QPRT: variants seen among roughly 807,000 people sequenced by gnomAD.
The protein encoded by QPRT is quinolinate phosphoribosyltransferase.
QPRT carries 17 observed loss-of-function variants against 19.8 expected under a neutral mutation model. The observed-to-expected ratio is 0.86, with a 90% CI of 0.59 to 1.29. The LOEUF (loss-of-function observed/expected upper bound fraction) is 1.29, where lower values mean the gene tolerates loss of function less well. Ranked by LOEUF, QPRT falls within the 50% of genes most tolerant of loss-of-function variation. The pLI, the probability that QPRT is intolerant of heterozygous loss-of-function variation, is 0.00. For missense variants in QPRT, 336 were observed against 405.1 expected, an observed-to-expected ratio of 0.83 and a Z score of 1.46; for synonymous variants, 178 against 191.0, an observed-to-expected ratio of 0.93 and a Z score of 0.56.
rs35141323 is a variant in QPRT, at chr16:29,695,793, C to CTT, written c.549+617_549+618dup. The CTT allele has an allele frequency of 8.6e-3, 392 of 45,722 alleles. 4 individuals carry two copies. Among genetic ancestry groups the CTT allele is most frequent in the Non-Finnish European group, 9.6e-3 (249 of 25,932 alleles). The allele number at this position is 45,722 out of a possible 1,614,324, so 2.8% of individuals were successfully genotyped here. ...GGAGTGAGCCACTGCACCCAGCTGC[C>CTT]TTTTTTTTTTTTTTTTTTTTTTTTG... On this transcript the variant is annotated intron_variant, in intron 2 of 3. Coordinates refer to ENST00000395384, the MANE Select transcript of QPRT (RefSeq NM_014298.6).
intron 1 of QPRT, among the ~76,000 whole-genome samples, chr16:29,680,108 C>T (rs1005703477): frequency 6.6e-6 from 1 of 152,084 alleles, no homozygotes; most frequent in East Asian, 1.9e-4. Flanking sequence ...CAGGCGCCCG[C>T]CGCCACGCCT....
intron 1 of QPRT, among the ~76,000 whole-genome samples, chr16:29,693,731 C>T (rs1039498544): frequency 3.3e-5 from 5 of 151,924 alleles, no homozygotes; most frequent in Admixed American, 6.6e-5. Context: ...GGATTGCAGG[C>T]GCCTGCCACC....
intron 2 of QPRT, 56 bp downstream of exon 2, chr16:29,695,255 C>T (rs1471633746): frequency 2.7e-5 from 39 of 1,468,714 alleles, no homozygotes; most frequent in Middle Eastern, 4.9e-4. Flanking sequence ...CCCTCCCCTC[C>T]CCTCCCCTCT....
chr16:29,687,906 C>T (rs1465448703), intron 1 of QPRT, among the ~76,000 whole-genome samples: 2 of 151,596 alleles, frequency 1.3e-5, no homozygotes, highest in Non-Finnish European at 2.9e-5. Flanking sequence ...CACATGAGCC[C>T]GGGAGTTCAA....
Position 29,694,833 on chromosome 16 carries a change from T to A in QPRT, c.183T>A (p.Asp61Glu), listed in dbSNP as rs367833818. 11 of 1,613,970 alleles carry A rather than the reference T, an allele frequency of 6.8e-6. No homozygotes were observed. The highest frequency in any genetic ancestry group is 1.3e-5 in the African/African-American group (1 of 74,924). Residue 61 changes from aspartate (D) to glutamate (E), a missense_variant, in exon 2 of 4, where the codon GAT becomes GAA. Coordinates refer to ENST00000395384, the MANE Select transcript of QPRT (RefSeq NM_014298.6). ...PGVLAGQPFF[D>E]AIFTQLNCQV... ...TACTGGCAGGGCAGCCTTTCTTCGA[T>A]GCCATATTTACCCAACTCAACTGCC... is the stretch of plus-strand genomic sequence containing the variant.
intron 1 of QPRT, among the ~76,000 whole-genome samples, chr16:29,680,246 G>A (rs950076974): frequency 2.6e-5 from 4 of 152,054 alleles, no homozygotes; most frequent in South Asian, 2.1e-4. Flanking sequence ...GTTAGCCACC[G>A]TGCCCGGCCA....
intron 1 of QPRT, among the ~76,000 whole-genome samples, chr16:29,692,799 C>T (rs535387390): frequency 6.6e-6 from 1 of 152,260 alleles, no homozygotes; most frequent in East Asian, 1.9e-4. Context: ...CGCAGTGGCT[C>T]ACGCCTGTAA....
Position 29,692,396 on chromosome 16 carries a change from CG to C in QPRT, c.14-2266del, listed in dbSNP as rs1034806063. On this transcript the variant is annotated intron_variant, in intron 1 of 3. Coordinates refer to ENST00000395384, the MANE Select transcript of QPRT (RefSeq NM_014298.6). Reference sequence around the variant, plus strand: ...GAGATTGAGACCATCCCAGCTAACACGGTGAAACCCCGTCTCTACTAAAAAC... The same window carrying C: ...GAGATTGAGACCATCCCAGCTAACACGTGAAACCCCGTCTCTACTAAAAAC... Among the ~76,000 whole-genome samples, 44 of 151,660 alleles carry C rather than the reference CG, an allele frequency of 2.9e-4. 1 individual carries two copies. The highest frequency in any genetic ancestry group is 2.4e-3 in the Admixed American group (37 of 15,218).
Position 29,694,759 on chromosome 16 carries a change from A to T in QPRT, c.109A>T (p.Ser37Cys). ...AGGGCTCAACTACGCAGCCTTGGTC[A>T]GCGGGGCAGGCCCCTCGCAGGCGGC... ...CPGLNYAALVSGAGPSQAALW... is the reference protein window; with the variant it reads ...CPGLNYAALVCGAGPSQAALW... The change falls in exon 2 of 4, where the codon AGC becomes TGC. Residue 37 changes from serine to cysteine, a missense_variant. By Grantham distance (112) the Ser-to-Cys change is moderately radical (BLOSUM62 -1). Transcript: ENST00000395384. 1 of 1,612,888 alleles carries T rather than the reference A, an allele frequency of 6.2e-7. No homozygotes were observed. Among genetic ancestry groups the T allele is most frequent in the Non-Finnish European group, 8.5e-7 (1 of 1,179,314 alleles).
intron 1 of QPRT, among the ~76,000 whole-genome samples, chr16:29,680,952 A>G (rs1966983021): frequency 6.6e-6 from 1 of 151,810 alleles, no homozygotes. Flanking sequence ...AAAAAAAAGG[A>G]AAATAAATAG....
intron 1 of QPRT, among the ~76,000 whole-genome samples, chr16:29,691,717 G>A (rs1244195922): frequency 6.6e-6 from 1 of 152,104 alleles, no homozygotes; most frequent in Non-Finnish European, 1.5e-5. Context: ...TTTGCTCCCA[G>A]GCCTTTTCCG....
At chr16:29,688,175 T>A (rs915231896) in intron 1 of QPRT, among the ~76,000 whole-genome samples, 1 of 151,140 alleles carries the variant, frequency 6.6e-6, no homozygotes, top group Non-Finnish European at 1.5e-5. Context: ...ACGAGCAGAG[T>A]TGGGGGCAGT....
chr16:29,681,577 A>C (rs528432962), intron 1 of QPRT, among the ~76,000 whole-genome samples: 1 of 141,916 alleles, frequency 7.0e-6, no homozygotes, highest in African/African-American at 2.6e-5. Flanking sequence ...GCTCGCTGCA[A>C]CCTCTGCCTC....
At chr16:29,689,881 A>G in intron 1 of QPRT, among the ~76,000 whole-genome samples, 1 of 146,986 alleles carries the variant, frequency 6.8e-6, no homozygotes, top group Non-Finnish European at 1.5e-5. Context: ...GAGCCGTTAA[A>G]AAGGACAGAA....
intron 1 of QPRT, among the ~76,000 whole-genome samples, chr16:29,683,598 A>G (rs150669792): frequency 0.03 from 4,509 of 151,760 alleles, 227 homozygotes; most frequent in African/African-American, 0.1. Flanking sequence ...GCCTCAAGCG[A>G]TCCTTCTGCC....
chr16:29,693,123 CCTTT>C (rs146501800), intron 1 of QPRT, among the ~76,000 whole-genome samples: 3,572 of 151,758 alleles, frequency 0.024, 154 homozygotes, highest in African/African-American at 0.082. Context: ...AAGCATTTAT[CCTTT>C]CTGTTACAAT....
At chr16:29,695,263 T>G in intron 2 of QPRT, 64 bp downstream of exon 2, 1 of 1,410,738 alleles carries the variant, frequency 7.1e-7, no homozygotes, top group Non-Finnish European at 9.2e-7. Flanking sequence ...TCCCCTCCCC[T>G]CTCCAGAGCC....
intron 2 of QPRT, 81 bp from the exon 3 acceptor site, chr16:29,696,915 C>T (rs1967553394): frequency 2.0e-6 from 3 of 1,474,624 alleles, no homozygotes; most frequent in Admixed American, 2.3e-5. Context: ...CCTATCGTCA[C>T]CCTCGCCCTC....
In QPRT at chr16:29,695,130, C is replaced by G; in HGVS notation, c.480C>G (p.His160Gln). ...YGLLVGGAAS[H>Q]RYDLGGLVMV... ...TCCTGGTGGGCGGGGCCGCCTCGCA[C>G]CGCTACGACCTGGGAGGGCTGGTGA... Residue 160 changes from histidine to glutamine, a missense_variant, in exon 2 of 4, where the codon CAC becomes CAG. His to Gln is a conservative substitution (Grantham distance 24). Coordinates refer to ENST00000395384, the MANE Select transcript of QPRT (RefSeq NM_014298.6). The G allele has an allele frequency of 6.3e-7, 1 of 1,586,994 alleles. No individual in the cohort carries two copies. Among genetic ancestry groups the G allele is most frequent in the Non-Finnish European group, 8.6e-7 (1 of 1,167,820 alleles).
Sources: gnomAD v4.1 joint callset for allele counts (sites outside exome capture counted in the v4.1 genomes callset) on GRCh38, gnomAD v4.1.1 for gene constraint, MANE v1.5 for transcripts, NCBI Gene and HGNC (gene_info 2026-07-23, HGNC 2026-07-21) for gene names.